TNRC6B: variants seen among roughly 807,000 people sequenced by gnomAD.
TNRC6B encodes the protein trinucleotide repeat-containing gene 6B protein.
A neutral mutation model predicts 203.6 loss-of-function variants in TNRC6B; 52 were observed. That is an observed-to-expected ratio of 0.26 (90% confidence interval 0.20 to 0.32). The LOEUF is 0.32. TNRC6B is among the 10% of genes least tolerant of loss of function. TNRC6B has a pLI of 1.00. For missense variants in TNRC6B, 1,923 were observed against 2,286.2 expected, an observed-to-expected ratio of 0.84 and a Z score of 3.24; for synonymous variants, 838 against 845.7, an observed-to-expected ratio of 0.99 and a Z score of 0.16.
At chr22:40,277,437 G>A (rs1339535299) in intron 8 of TNRC6B, among the ~76,000 whole-genome samples, 2 of 152,128 alleles carry the variant, frequency 1.3e-5, no homozygotes, top group Non-Finnish European at 2.9e-5. Context: ...GTTTCCAACC[G>A]CATTACTGTA....
intron 1 of TNRC6B, among the ~76,000 whole-genome samples, chr22:40,094,480 A>T (rs79325323): frequency 0.044 from 6,697 of 152,298 alleles, 439 homozygotes; most frequent in African/African-American, 0.14. Flanking sequence ...TATTTAAAAA[A>T]ACAAAAACAG....
intron 18 of TNRC6B, 88 bp from the exon 19 acceptor site, chr22:40,312,814 T>G (rs1282822427): frequency 3.4e-6 from 5 of 1,484,146 alleles, no homozygotes; most frequent in Non-Finnish European, 4.7e-6. Flanking sequence ...CTCCATTCTA[T>G]TGAAGTTTAA....
intron 1 of TNRC6B, among the ~76,000 whole-genome samples, chr22:40,198,858 G>T (rs1266520818): frequency 6.6e-6 from 1 of 152,126 alleles, no homozygotes. Flanking sequence ...TGGTAGTAGA[G>T]GGGGAGGGTG....
intron 1 of TNRC6B, among the ~76,000 whole-genome samples, chr22:40,211,752 G>T (rs2069566941): frequency 6.6e-6 from 1 of 152,146 alleles, no homozygotes; most frequent in Non-Finnish European, 1.5e-5. Context: ...AGCAGTCCTT[G>T]GATGGGCCAG....
At chr22:40,046,563 A>T (rs2067689479) in intron 1 of TNRC6B, among the ~76,000 whole-genome samples, 1 of 151,992 alleles carries the variant, frequency 6.6e-6, no homozygotes, top group Non-Finnish European at 1.5e-5. Context: ...GTAACATATA[A>T]ATGTCATGCC....
At chr22:40,203,817 C>T (rs530672241) in intron 1 of TNRC6B, among the ~76,000 whole-genome samples, 6 of 152,278 alleles carry the variant, frequency 3.9e-5, no homozygotes, top group Non-Finnish European at 5.9e-5. Context: ...TCTAAGGGTT[C>T]GGTGATGTAG....
At chr22:40,122,693 C>T (rs1601826179) in intron 2 of TNRC6B, among the ~76,000 whole-genome samples, 1 of 152,172 alleles carries the variant, frequency 6.6e-6, no homozygotes, top group Non-Finnish European at 1.5e-5. Context: ...TCCCCTTTCA[C>T]AGCATGTCCA....
At chr22:40,145,504 T>C (rs1336303494) in intron 3 of TNRC6B, among the ~76,000 whole-genome samples, 1 of 152,154 alleles carries the variant, frequency 6.6e-6, no homozygotes, top group Non-Finnish European at 1.5e-5. Context: ...GAGATATTTA[T>C]AAAATGGGTA....
intron 3 of TNRC6B, among the ~76,000 whole-genome samples, chr22:40,131,997 CAG>C (rs1226936422): frequency 3.3e-5 from 5 of 152,192 alleles, no homozygotes; most frequent in African/African-American, 1.2e-4. Flanking sequence ...ATCAAATTAA[CAG>C]AGTTACCCAT....
chr22:40,262,018 A>G lies in TNRC6B; in HGVS notation c.302A>G (p.His101Arg). 1 of 1,606,476 alleles carries G rather than the reference A, an allele frequency of 6.2e-7. No homozygotes were observed. Among genetic ancestry groups the G allele is most frequent in the Non-Finnish European group, 8.5e-7 (1 of 1,175,756 alleles). Residue 101 changes from histidine (H) to arginine (R), a missense_variant, in exon 4 of 23, where the codon CAC (histidine) becomes CGC (arginine). Physicochemically the swap from His to Arg is conservative, Grantham distance 29 (BLOSUM62 0). Transcript: ENST00000454349. ...CCGCGATTCCGTTGCCAGCAGGACC[A>G]CAAAGTGTTACTAAAACGTGGGCAG... is the stretch of plus-strand genomic sequence containing the variant. ...VPPRFRCQQD[H>R]KVLLKRGQPP...
At chr22:40,189,151 G>A (rs1303309869) in intron 1 of TNRC6B, among the ~76,000 whole-genome samples, 1 of 152,174 alleles carries the variant, frequency 6.6e-6, no homozygotes, top group Non-Finnish European at 1.5e-5. Context: ...TGCCCAGAGT[G>A]TTGTCTTCCC....
intron 3 of TNRC6B, among the ~76,000 whole-genome samples, chr22:40,129,222 A>G (rs148102049): frequency 1.3e-5 from 2 of 152,336 alleles, no homozygotes; most frequent in African/African-American, 4.8e-5. Context: ...AGACCTTGCA[A>G]GACCTCAGAG....
intron 2 of TNRC6B, among the ~76,000 whole-genome samples, chr22:40,247,102 T>C (rs2070117614): frequency 6.6e-6 from 1 of 152,148 alleles, no homozygotes; most frequent in Non-Finnish European, 1.5e-5. Context: ...TCTTACCTGT[T>C]TCCCCACCTT....
intron 7 of TNRC6B, among the ~76,000 whole-genome samples, chr22:40,275,062 T>C (rs2070620196): frequency 6.6e-6 from 1 of 152,234 alleles, no homozygotes; most frequent in South Asian, 2.1e-4. Flanking sequence ...TGGGCCTTCA[T>C]CCCCTTTGCC....
chr22:40,211,942 C>T (rs536800785), intron 1 of TNRC6B, among the ~76,000 whole-genome samples: 33 of 152,190 alleles, frequency 2.2e-4, no homozygotes, highest in Middle Eastern at 3.2e-3. Flanking sequence ...TTTCGTCTGT[C>T]TCTTCTCCTG....
At chr22:40,236,576 T>TA (rs1168060064) in intron 1 of TNRC6B, among the ~76,000 whole-genome samples, 1 of 152,176 alleles carries the variant, frequency 6.6e-6, no homozygotes, top group African/African-American at 2.4e-5. Context: ...CTGCCACACT[T>TA]ACTGATCACA....
Position 40,264,927 on chromosome 22 carries a change from G to A in TNRC6B, c.697G>A (p.Gly233Arg), listed in dbSNP as rs756944607. The A allele has an allele frequency of 6.2e-7, 1 of 1,613,916 alleles. No homozygotes were observed. Among genetic ancestry groups the A allele is most frequent in the Non-Finnish European group, 8.5e-7 (1 of 1,179,876 alleles). Residue 233 changes from glycine to arginine, a missense_variant, in exon 5 of 23, where the codon GGA becomes AGA. By Grantham distance (125) the Gly-to-Arg change is moderately radical (BLOSUM62 -2). Coordinates refer to ENST00000454349, the MANE Select transcript of TNRC6B (RefSeq NM_001162501.2). ...TGGCTCTGAGAAGAGCACTCTGCCAGGAAGCACCACTAGTAACAAAGGAAA... is the reference window on the plus strand; with the variant it reads ...TGGCTCTGAGAAGAGCACTCTGCCAAGAAGCACCACTAGTAACAAAGGAAA... ...NPGSEKSTLPGSTTSNKGKGS... is the reference protein window; with the variant it reads ...NPGSEKSTLPRSTTSNKGKGS...
At chr22:40,219,199 T>G (rs1023426426) in intron 1 of TNRC6B, among the ~76,000 whole-genome samples, 3 of 152,358 alleles carry the variant, frequency 2.0e-5, no homozygotes, top group Admixed American at 2.0e-4. Flanking sequence ...CTATGTCTGG[T>G]TCACCTCTGT....
At position 40,046,418 on chromosome 22, in the gene TNRC6B, C is replaced by G. The variant is rs551555084; in HGVS notation, c.-121+1420C>G. On this transcript the variant is annotated intron_variant, in intron 1 of 23. Coordinates refer to the TNRC6B transcript ENST00000301923. ...GAATACAAATCAGACTGGCTTGTCCCACGTGGGACGTGGTGATGATGATAA... is the reference window on the plus strand; with the variant it reads ...GAATACAAATCAGACTGGCTTGTCCGACGTGGGACGTGGTGATGATGATAA... Among the ~76,000 whole-genome samples, 15 of 152,342 alleles carry G rather than the reference C, an allele frequency of 9.8e-5. No homozygotes were observed. In the South Asian group the frequency reaches 3.1e-3, roughly 32 times the overall value.
Sources: gnomAD v4.1 joint callset for allele counts (sites outside exome capture counted in the v4.1 genomes callset) on GRCh38, gnomAD v4.1.1 for gene constraint, MANE v1.5 for transcripts, NCBI Gene and HGNC (gene_info 2026-07-23, HGNC 2026-07-21) for gene names.